KIF26B: variants seen among roughly 807,000 people sequenced by gnomAD.
KIF26B encodes kinesin family member 26B.
A neutral mutation model predicts 151.2 loss-of-function variants in KIF26B; 63 were observed. The observed-to-expected ratio is 0.42, with a 90% CI of 0.34 to 0.51. The LOEUF (loss-of-function observed/expected upper bound fraction) is 0.51, where lower values mean the gene tolerates loss of function less well. Among genes scored for constraint, KIF26B ranks in the 20% least tolerant of loss-of-function variants. The pLI is 0.07. For synonymous variants in KIF26B, 1,357 were observed against 1,262.1 expected (o/e 1.08, Z -1.59); for missense variants, 2,813 against 2,913.6 (o/e 0.97, Z 0.79).
intron 2 of KIF26B, among the ~76,000 whole-genome samples, chr1:245,255,401 G>A (rs959851511): frequency 1.3e-5 from 2 of 152,194 alleles, no homozygotes; most frequent in African/African-American, 4.8e-5. Context: ...GAACATTCCT[G>A]TTGAGATTCC....
chr1:245,553,518 G>A (rs1661942853), intron 5 of KIF26B, among the ~76,000 whole-genome samples: 1 of 152,162 alleles, frequency 6.6e-6, no homozygotes, highest in Non-Finnish European at 1.5e-5. Flanking sequence ...GGTTGTCACT[G>A]TGTTGTTTTA....
intron 4 of KIF26B, among the ~76,000 whole-genome samples, chr1:245,491,467 T>G (rs1028904192): frequency 5.9e-5 from 9 of 152,194 alleles, no homozygotes; most frequent in Non-Finnish European, 1.3e-4. Flanking sequence ...TGTGCCAGAT[T>G]CAGCATGATC....
chr1:245,212,782 C>T (rs7549180), intron 2 of KIF26B, among the ~76,000 whole-genome samples: 12 of 152,170 alleles, frequency 7.9e-5, no homozygotes, highest in Non-Finnish European at 1.3e-4. Context: ...ATTCCTGTTC[C>T]TCACCGGTCA....
At chr1:245,264,852 G>C (rs1290870367) in intron 2 of KIF26B, among the ~76,000 whole-genome samples, 1 of 150,190 alleles carries the variant, frequency 6.7e-6, no homozygotes, top group Non-Finnish European at 1.5e-5. Context: ...GAGATCGAGC[G>C]ACTGCACTCC....
intron 4 of KIF26B, among the ~76,000 whole-genome samples, chr1:245,448,408 T>C (rs555436785): frequency 7.3e-4 from 111 of 152,168 alleles, no homozygotes; most frequent in African/African-American, 2.6e-3. Context: ...TGGGGTTTCA[T>C]CATGTTGGCC....
chr1:245,245,954 T>G (rs1294324138), intron 2 of KIF26B, among the ~76,000 whole-genome samples: 1 of 140,686 alleles, frequency 7.1e-6, no homozygotes, highest in East Asian at 2.1e-4. Flanking sequence ...TAGCCAGGCA[T>G]GATGGCAGAT....
intron 3 of KIF26B, among the ~76,000 whole-genome samples, chr1:245,414,272 G>C (rs1003953534): frequency 2.6e-5 from 4 of 152,202 alleles, no homozygotes; most frequent in Non-Finnish European, 4.4e-5. Flanking sequence ...GCACTGACTT[G>C]TAGGAAAGGC....
At chr1:245,511,245 C>A (rs1433434504) in intron 4 of KIF26B, 4 of 662,400 alleles carry the variant, frequency 6.0e-6, no homozygotes, top group Non-Finnish European at 5.5e-6. Flanking sequence ...AATGCATAAA[C>A]CATTTCAAAG....
intron 4 of KIF26B, among the ~76,000 whole-genome samples, chr1:245,436,108 T>C (rs1489882075): frequency 2.0e-5 from 3 of 147,782 alleles, no homozygotes; most frequent in Admixed American, 6.8e-5. Context: ...ACCTGGGAGG[T>C]GGAGGTTGCA....
At position 245,584,513 on chromosome 1, in the gene KIF26B, C is replaced by T. The variant is rs2043205277; in HGVS notation, c.1351-18064C>T. Among the ~76,000 whole-genome samples, 3 of 152,210 alleles carry T rather than the reference C, an allele frequency of 2.0e-5. No individual in the cohort carries two copies. The South Asian group carries it at 6.2e-4, about 31-fold the overall frequency. ...ATCCTCAAACACACTCATGTGCACA[C>T]AGTTTCAGTGCCAGAACAGTGTCCT... On this transcript the variant is annotated intron_variant, in intron 5 of 14. Transcript: ENST00000407071.
intron 4 of KIF26B, among the ~76,000 whole-genome samples, chr1:245,441,917 A>G (rs547697359): frequency 1.3e-5 from 2 of 152,304 alleles, no homozygotes. Context: ...GAATCCACAG[A>G]CACTGGCAGA....
At chr1:245,567,804 G>C in intron 5 of KIF26B, among the ~76,000 whole-genome samples, 1 of 152,124 alleles carries the variant, frequency 6.6e-6, no homozygotes. Context: ...ATAGGGTCGT[G>C]GTGGAGCATC....
chr1:245,287,567 G>A (rs375923911), intron 2 of KIF26B, among the ~76,000 whole-genome samples: 9 of 145,836 alleles, frequency 6.2e-5, no homozygotes, highest in African/African-American at 2.0e-4. Flanking sequence ...GCAATGGCAC[G>A]ATCTCGGCTC....
chr1:245,392,593 AT>A (rs1274243575), intron 3 of KIF26B, among the ~76,000 whole-genome samples: 1 of 152,038 alleles, frequency 6.6e-6, no homozygotes, highest in Non-Finnish European at 1.5e-5. Flanking sequence ...AAAAGTCTGA[AT>A]CTGGATCATT....
intron 2 of KIF26B, among the ~76,000 whole-genome samples, chr1:245,326,670 G>A (rs547833568): frequency 2.0e-5 from 3 of 152,326 alleles, no homozygotes; most frequent in African/African-American, 4.8e-5. Flanking sequence ...GAGACAGCCC[G>A]GCCTCCTCCA....
chr1:245,501,982 A>C (rs1335276367), intron 4 of KIF26B, among the ~76,000 whole-genome samples: 1 of 152,232 alleles, frequency 6.6e-6, no homozygotes, highest in Admixed American at 6.5e-5. Context: ...CAAAGTTTTC[A>C]TACAAACCAA....
At chr1:245,584,044 C>T (rs890830811) in intron 5 of KIF26B, among the ~76,000 whole-genome samples, 10 of 152,312 alleles carry the variant, frequency 6.6e-5, no homozygotes, top group Non-Finnish European at 1.2e-4. Flanking sequence ...ATCTCATGTT[C>T]ACTGTTAATC....
chr1:245,692,524 G>T (rs967346028), intron 12 of KIF26B, among the ~76,000 whole-genome samples: 2 of 152,090 alleles, frequency 1.3e-5, no homozygotes, highest in Non-Finnish European at 2.9e-5. Flanking sequence ...ACTCCCAGCG[G>T]CAAGAGCCTG....
intron 2 of KIF26B, among the ~76,000 whole-genome samples, chr1:245,337,799 A>G (rs993054543): frequency 6.6e-6 from 1 of 152,244 alleles, no homozygotes; most frequent in Non-Finnish European, 1.5e-5. Flanking sequence ...TAGAAAGTCC[A>G]GAAGACCATG....
Sources: allele counts gnomAD v4.1 joint callset (sites outside exome capture counted in the v4.1 genomes callset), GRCh38; gene constraint gnomAD v4.1.1; transcripts MANE v1.5; gene names NCBI Gene and HGNC (gene_info 2026-07-23, HGNC 2026-07-21).